TXK: variants seen among roughly 807,000 people sequenced by gnomAD.
TXK encodes tyrosine-protein kinase TXK.
Under a neutral mutation model 81.0 loss-of-function variants are expected in TXK, and 60 were observed. That is an observed-to-expected ratio of 0.74 (90% CI 0.60 to 0.92). TXK has a LOEUF of 0.92. Among genes scored for constraint, TXK ranks in the 40% least tolerant of loss-of-function variants. The pLI, the probability that TXK is intolerant of heterozygous loss-of-function variation, is 0.00. For missense variants in TXK, 581 were observed against 638.3 expected, an observed-to-expected ratio of 0.91 and a Z score of 0.97; for synonymous variants, 203 against 210.7, an observed-to-expected ratio of 0.96 and a Z score of 0.32.
intron 4 of TXK, among the ~76,000 whole-genome samples, chr4:48,111,700 A>C (rs990050176): frequency 2.0e-5 from 3 of 152,228 alleles, no homozygotes; most frequent in Non-Finnish European, 4.4e-5. Context: ...AAATCTCCAA[A>C]TCTTGGCAAA....
At chr4:48,104,995 A>C (rs766454197) in intron 5 of TXK, 40 bp from the exon 6 acceptor site, 36 of 1,450,614 alleles carry the variant, frequency 2.5e-5, no homozygotes, top group Non-Finnish European at 3.2e-5. Context: ...TTTTATATTC[A>C]ATTTTTTTAA....
chr4:48,096,114 T>C (rs1422565910), intron 6 of TXK, among the ~76,000 whole-genome samples: 1 of 152,134 alleles, frequency 6.6e-6, no homozygotes, highest in African/African-American at 2.4e-5. Flanking sequence ...TTAAGTAGAG[T>C]CTTCTCCTTC....
At chr4:48,087,158 C>T (rs1717566094) in intron 9 of TXK, among the ~76,000 whole-genome samples, 1 of 152,026 alleles carries the variant, frequency 6.6e-6, no homozygotes, top group South Asian at 2.1e-4. Context: ...GAAATCTAAC[C>T]CACATATATC....
Position 48,067,576 on chromosome 4 carries a change from G to C in TXK, c.*61C>G. On this transcript the variant is annotated 3_prime_UTR_variant, in exon 15 of 15. Transcript: ENST00000264316. ...ACCATAAGTGACCCCATATGGTGAA[G>C]ATATTCACAATAAATGACAGTTTTG... 1 of 1,509,682 alleles carries C rather than the reference G, an allele frequency of 6.6e-7. No homozygotes were observed. Among genetic ancestry groups the C allele is most frequent in the Non-Finnish European group, 9.2e-7 (1 of 1,084,598 alleles). 93.5% of individuals were successfully genotyped at this position (1,509,682 alleles called of 1,614,324 possible). A position where few individuals can be genotyped will look rare whatever the true frequency, so the allele number is the denominator to read the frequency against.
At chr4:48,073,399 A>G (rs1408863953) in intron 13 of TXK, among the ~76,000 whole-genome samples, 2 of 152,170 alleles carry the variant, frequency 1.3e-5, no homozygotes, top group African/African-American at 2.4e-5. Flanking sequence ...CTCTTTCTCA[A>G]TGAAGAACAT....
intron 5 of TXK, among the ~76,000 whole-genome samples, chr4:48,107,987 C>T (rs897305481): frequency 4.0e-5 from 6 of 150,930 alleles, no homozygotes; most frequent in African/African-American, 1.2e-4. Context: ...AGGAGAATGG[C>T]GTGAACCCAG....
At chr4:48,098,426 T>A (rs1490766625) in intron 6 of TXK, among the ~76,000 whole-genome samples, 1 of 152,210 alleles carries the variant, frequency 6.6e-6, no homozygotes, top group Non-Finnish European at 1.5e-5. Context: ...AGTAATTGTG[T>A]TTTTTTCTAT....
chr4:48,095,095 A>G (rs1560350171), intron 7 of TXK, 48 bp downstream of exon 7: 2 of 1,403,888 alleles, frequency 1.4e-6, no homozygotes, highest in East Asian at 2.3e-5. Flanking sequence ...TGTGATGGAG[A>G]CTGTGCCAGG....
intron 10 of TXK, among the ~76,000 whole-genome samples, chr4:48,085,911 C>T (rs1172209858): frequency 3.9e-5 from 6 of 152,196 alleles, no homozygotes; most frequent in Admixed American, 1.3e-4. Flanking sequence ...CCTGATTCTT[C>T]CTGGATGCCA....
At chr4:48,074,189 G>T in intron 12 of TXK, 136 bp from the exon 13 acceptor site, 1 of 636,788 alleles carries the variant, frequency 1.6e-6, no homozygotes, top group East Asian at 2.7e-5. Context: ...CTTCTTGTTA[G>T]TAGAGTGTGA....
intron 6 of TXK, among the ~76,000 whole-genome samples, chr4:48,096,276 A>T (rs1216251784): frequency 3.9e-5 from 6 of 152,252 alleles, no homozygotes; most frequent in African/African-American, 9.6e-5. Flanking sequence ...CAGAGGACAC[A>T]AGATGTAAAA....
rs116510527 is a variant in TXK at position 48,084,341 on chromosome 4, A to G, written c.956+2125T>C. Among the ~76,000 whole-genome samples, 1,322 of 151,830 alleles carry G rather than the reference A, an allele frequency of 8.7e-3. 19 individuals carry two copies. The highest frequency in any genetic ancestry group is 0.028 in the African/African-American group (1,143 of 41,412). ...ACTCCTAGGCTCAAGTGATCCTCCCATGTTAGCCTCCCAGAATGAATCAGG... is the reference window on the plus strand; with the variant it reads ...ACTCCTAGGCTCAAGTGATCCTCCCGTGTTAGCCTCCCAGAATGAATCAGG... On this transcript the variant is annotated intron_variant, in intron 10 of 14. Transcript: ENST00000264316.
intron 5 of TXK, among the ~76,000 whole-genome samples, chr4:48,108,555 G>A (rs573593048): frequency 2.6e-4 from 40 of 152,214 alleles, no homozygotes; most frequent in African/African-American, 8.4e-4. Context: ...AGTAACTTTC[G>A]TACAGTCATT....
At chr4:48,098,433 C>T (rs185829615) in intron 6 of TXK, among the ~76,000 whole-genome samples, 2 of 151,894 alleles carry the variant, frequency 1.3e-5, no homozygotes, top group African/African-American at 4.8e-5. Flanking sequence ...GTGTTTTTTT[C>T]TATTAAAACC....
At chr4:48,110,844 A>G (rs138536712) in intron 4 of TXK, among the ~76,000 whole-genome samples, 1 of 152,314 alleles carries the variant, frequency 6.6e-6, no homozygotes, top group Non-Finnish European at 1.5e-5. Context: ...TGACCCCACA[A>G]TCTTTTCAGA....
At chr4:48,128,326 G>A (rs545881275) in intron 1 of TXK, among the ~76,000 whole-genome samples, 6 of 152,218 alleles carry the variant, frequency 3.9e-5, no homozygotes, top group South Asian at 2.1e-4. Context: ...CAAGCCAGGC[G>A]CTCCAGGTTG....
chr4:48,110,462 C>T (rs1260438524), intron 5 of TXK, 76 bp downstream of exon 5: 2 of 1,048,816 alleles, frequency 1.9e-6, no homozygotes, highest in South Asian at 2.7e-5. Context: ...CTTCTACAGA[C>T]CCAAAACAGT....
At chr4:48,102,186 C>A (rs139268052) in intron 6 of TXK, among the ~76,000 whole-genome samples, 1,919 of 151,892 alleles carry the variant, frequency 0.013, 18 homozygotes, top group Non-Finnish European at 0.022. Context: ...ATCATGTTGG[C>A]CAGTCTGGTC....
intron 1 of TXK, 139 bp downstream of exon 1, chr4:48,134,016 C>A: frequency 1.2e-6 from 1 of 861,668 alleles, no homozygotes. Flanking sequence ...AAACAAAACT[C>A]TGTCACAACA....
Sources: allele counts gnomAD v4.1 joint callset (sites outside exome capture counted in the v4.1 genomes callset), GRCh38; gene constraint gnomAD v4.1.1; transcripts MANE v1.5; gene names NCBI Gene and HGNC (gene_info 2026-07-23, HGNC 2026-07-21).